The following C12orf42 variants were observed in gnomAD, a reference collection of about 807,000 sequenced individuals.
The protein encoded by C12orf42 is uncharacterized protein C12orf42.
In C12orf42, 25 loss-of-function variants were observed where a neutral mutation model predicts 21.6. The ratio of observed to expected loss-of-function variants is 1.16; its 90% CI spans 0.84 to 1.62. The LOEUF is 1.62. C12orf42 is among the 40% of genes most tolerant of loss of function. The pLI, the probability that C12orf42 is intolerant of heterozygous loss-of-function variation, is 0.00. For synonymous variants in C12orf42, 174 were observed against 175.0 expected (o/e 0.99, Z 0.05); for missense variants, 483 against 459.3 (o/e 1.05, Z -0.47).
Position 103,242,680 on chromosome 12 carries a change from A to G in C12orf42, c.*1367-4778T>C, listed in dbSNP as rs1241637307. On this transcript the variant is annotated intron_variant and NMD_transcript_variant, in intron 10 of 10. Transcript: ENST00000547347. ...ATATTGCCACCCTAATATTTGGAATAGAAATAAATGGCAATCAAGTTGGAA... is the reference window on the plus strand; with the variant it reads ...ATATTGCCACCCTAATATTTGGAATGGAAATAAATGGCAATCAAGTTGGAA... 6.6e-5 allele frequency among the ~76,000 whole-genome samples: 10 copies of G among 152,304 alleles called. No individual in the cohort carries two copies. The South Asian group carries it at 2.1e-3, about 32-fold the overall frequency.
chr12:103,136,272 TAAAG>T, the C12orf42 span, among the ~76,000 whole-genome samples: 24 of 151,692 alleles, frequency 1.6e-4, no homozygotes, highest in Non-Finnish European at 2.9e-5. Context: ...GAAAAAGAAA[TAAAG>T]AAAGCTATAT....
intron 2 of C12orf42, among the ~76,000 whole-genome samples, chr12:103,428,190 T>G (rs1326614565): frequency 6.6e-6 from 1 of 152,114 alleles, no homozygotes; most frequent in African/African-American, 2.4e-5. Context: ...GCTGGTTTTT[T>G]GAAAAGACTA....
chr12:103,309,688 A>G (rs2038762221), intron 4 of C12orf42, among the ~76,000 whole-genome samples: 1 of 152,220 alleles, frequency 6.6e-6, no homozygotes, highest in South Asian at 2.1e-4. Flanking sequence ...GGTAGGTGTG[A>G]AATGAGAGCA....
the C12orf42 span, among the ~76,000 whole-genome samples, chr12:103,109,830 A>C: frequency 0.033 from 4,968 of 152,132 alleles, 256 homozygotes; most frequent in African/African-American, 0.11. Flanking sequence ...AAATAATTTC[A>C]ACTATTGTTA....
At chr12:103,103,274 A>G in the C12orf42 span, among the ~76,000 whole-genome samples, 5 of 152,236 alleles carry the variant, frequency 3.3e-5, no homozygotes. Flanking sequence ...CCTCCAACCC[A>G]TCTTCCCTGA....
chr12:103,055,195 C>A, the C12orf42 span, among the ~76,000 whole-genome samples: 2 of 151,768 alleles, frequency 1.3e-5, no homozygotes, highest in Admixed American at 6.6e-5. Flanking sequence ...ATCATCTGTG[C>A]CTAGAGATTT....
At chr12:103,086,071 C>T in the C12orf42 span, among the ~76,000 whole-genome samples, 1 of 152,080 alleles carries the variant, frequency 6.6e-6, no homozygotes, top group Non-Finnish European at 1.5e-5. Flanking sequence ...ACTCCTTCTC[C>T]CACATTCACT....
At chr12:103,246,975 A>G (rs928116118) in intron 10 of C12orf42, among the ~76,000 whole-genome samples, 3 of 151,824 alleles carry the variant, frequency 2.0e-5, no homozygotes, top group Non-Finnish European at 2.9e-5. Context: ...CTGAAATAAG[A>G]TTTTCATATT....
chr12:103,364,965 C>T (rs2044468047), intron 4 of C12orf42, among the ~76,000 whole-genome samples: 1 of 152,020 alleles, frequency 6.6e-6, no homozygotes, highest in Admixed American at 6.6e-5. Context: ...AGGGAATCCT[C>T]CCTAAATCAT....
chr12:103,475,026 C>A (rs755574791), intron 2 of C12orf42, among the ~76,000 whole-genome samples: 8 of 152,168 alleles, frequency 5.3e-5, no homozygotes, highest in Non-Finnish European at 8.8e-5. Context: ...TTTTGTGTGG[C>A]CTTTTTATTT....
At chr12:103,434,774 C>T (rs1950545000) in intron 2 of C12orf42, among the ~76,000 whole-genome samples, 1 of 152,220 alleles carries the variant, frequency 6.6e-6, no homozygotes, top group African/African-American at 2.4e-5. Flanking sequence ...TTGCTGATTG[C>T]TAGCACAGCA....
intron 2 of C12orf42, among the ~76,000 whole-genome samples, chr12:103,462,703 A>C (rs1295756144): frequency 6.6e-6 from 1 of 152,210 alleles, no homozygotes; most frequent in African/African-American, 2.4e-5. Flanking sequence ...AAAATCAGAA[A>C]AGGAATAGAA....
chr12:103,113,890 C>T, the C12orf42 span, among the ~76,000 whole-genome samples: 1 of 152,156 alleles, frequency 6.6e-6, no homozygotes, highest in Non-Finnish European at 1.5e-5. Flanking sequence ...AACCAGGTTG[C>T]ACATTTATTT....
intron 2 of C12orf42, among the ~76,000 whole-genome samples, chr12:103,462,442 G>A (rs1952801715): frequency 6.6e-6 from 1 of 151,882 alleles, no homozygotes; most frequent in African/African-American, 2.4e-5. Context: ...ATAAAAGATA[G>A]CCTAAGTCCA....
chr12:103,493,430 T>C (rs1955309286), intron 1 of C12orf42, among the ~76,000 whole-genome samples: 1 of 149,996 alleles, frequency 6.7e-6, no homozygotes, highest in African/African-American at 2.4e-5. Context: ...GTTCTGGCCA[T>C]ACCAGCCTTG....
At chr12:103,263,184 G>A (rs937986263) in intron 10 of C12orf42, 2 of 152,036 alleles carry the variant, frequency 1.3e-5, no homozygotes, top group African/African-American at 4.8e-5. Context: ...ATAGCATTAG[G>A]AGAAATACCT....
chr12:103,267,840 A>T (rs1015502565), downstream of C12orf42: 7 of 152,162 alleles, frequency 4.6e-5, no homozygotes, highest in African/African-American at 1.7e-4. Context: ...AACAAATGTG[A>T]CTTCAAATTT....
chr12:103,151,469 G>A, the C12orf42 span, among the ~76,000 whole-genome samples: 1 of 152,022 alleles, frequency 6.6e-6, no homozygotes, highest in Non-Finnish European at 1.5e-5. Context: ...ATACAAATAG[G>A]TATAAAATTA....
chr12:103,524,103 G>A, the C12orf42 span, among the ~76,000 whole-genome samples: 2 of 152,160 alleles, frequency 1.3e-5, no homozygotes, highest in African/African-American at 4.8e-5. Flanking sequence ...AGGTGTAACA[G>A]AATCTGACCT....
Sources: gnomAD v4.1 joint callset for allele counts (sites outside exome capture counted in the v4.1 genomes callset) on GRCh38, gnomAD v4.1.1 for gene constraint, MANE v1.5 for transcripts, NCBI Gene and HGNC (gene_info 2026-07-23, HGNC 2026-07-21) for gene names.